KPNA7: variants seen among roughly 807,000 people sequenced by gnomAD.
KPNA7 encodes the protein importin subunit alpha-8.
A neutral mutation model predicts 53.7 loss-of-function variants in KPNA7; 54 were observed. That is an observed-to-expected ratio of 1.01 (90% confidence interval 0.81 to 1.26). KPNA7 has a LOEUF of 1.26. Among genes scored for constraint, KPNA7 ranks in the 50% most tolerant of loss-of-function variants. KPNA7 has a pLI of 0.00. For missense variants in KPNA7, 640 were observed against 644.5 expected (o/e 0.99, Z 0.07); for synonymous variants, 276 against 259.3 (o/e 1.06, Z -0.62).
the KPNA7 span, among the ~76,000 whole-genome samples, chr7:99,163,833 A>G: frequency 1.3e-5 from 2 of 151,898 alleles, no homozygotes; most frequent in Non-Finnish European, 2.9e-5. Flanking sequence ...ATCATTTTCT[A>G]CTCCTCATGG....
the KPNA7 span, among the ~76,000 whole-genome samples, chr7:99,150,436 C>T: frequency 4.2e-4 from 2 of 4,708 alleles, no homozygotes; most frequent in Admixed American, 2.4e-3. Flanking sequence ...TTTTTTGAGA[C>T]GGAGTTTCAC....
At chr7:99,190,250 T>G (rs2150739034) in intron 6 of KPNA7, among the ~76,000 whole-genome samples, 1 of 149,262 alleles carries the variant, frequency 6.7e-6, no homozygotes, top group East Asian at 2.0e-4. Flanking sequence ...AGCAGAAGAA[T>G]CGCTTGAACC....
the KPNA7 span, among the ~76,000 whole-genome samples, chr7:99,146,778 C>T: frequency 6.8e-6 from 1 of 146,504 alleles, no homozygotes; most frequent in Non-Finnish European, 1.5e-5. Flanking sequence ...TACACCTAAG[C>T]TACCAGCCAT....
chr7:99,147,346 T>A, the KPNA7 span, among the ~76,000 whole-genome samples: 1 of 152,192 alleles, frequency 6.6e-6, no homozygotes, highest in South Asian at 2.1e-4. Context: ...CGTTCAAGTT[T>A]GCTGGGCAAA....
intron 1 of KPNA7, among the ~76,000 whole-genome samples, chr7:99,213,717 CCT>C (rs1584325992): frequency 6.6e-6 from 1 of 151,920 alleles, no homozygotes; most frequent in East Asian, 1.9e-4. Context: ...CTCAAGCAAT[CCT>C]CTCACCTCAG....
At chr7:99,186,744 A>AAACAAC (rs375324904) in intron 7 of KPNA7, among the ~76,000 whole-genome samples, 1 of 151,854 alleles carries the variant, frequency 6.6e-6, no homozygotes, top group Non-Finnish European at 1.5e-5. Context: ...CTTTGTCAAA[A>AAACAAC]AACAACAACA....
chr7:99,167,981 T>C, the KPNA7 span, among the ~76,000 whole-genome samples: 5 of 137,660 alleles, frequency 3.6e-5, no homozygotes, highest in East Asian at 2.2e-4. Flanking sequence ...CCCAAACCAT[T>C]CCCCCACCCC....
rs1312047735 is a variant in KPNA7, at chr7:99,190,342, AAAAAAAAGCAG to A, written c.637-1790_637-1780del. Among the ~76,000 whole-genome samples the A allele has an allele frequency of 7.7e-4, 116 of 151,620 alleles. 1 individual carries two copies. Among genetic ancestry groups the A allele is most frequent in the African/African-American group, 2.5e-3 (105 of 41,334 alleles). ...CAGAGCAAGACTCTGTCTCAAAAAA[AAAAAAAAGCAG>A]AAAAAAAAGCAGAAAAAAAAGAAAG... On this transcript the variant is annotated intron_variant, in intron 6 of 10. Coordinates refer to ENST00000327442, the MANE Select transcript of KPNA7 (RefSeq NM_001145715.3).
the KPNA7 span, among the ~76,000 whole-genome samples, chr7:99,163,291 T>C: frequency 6.8e-6 from 1 of 147,284 alleles, no homozygotes; most frequent in Admixed American, 6.9e-5. Context: ...ATTACAAATA[T>C]ATTAAATTTG....
the KPNA7 span, among the ~76,000 whole-genome samples, chr7:99,158,416 ATCTTT>A: frequency 6.6e-6 from 1 of 151,476 alleles, no homozygotes; most frequent in Non-Finnish European, 1.5e-5. Context: ...ATATAATTTG[ATCTTT>A]TCTATTTTTG....
At chr7:99,209,232 A>G (rs546828740), upstream of KPNA7, among the ~76,000 whole-genome samples, 1 of 152,000 alleles carries the variant, frequency 6.6e-6, no homozygotes, top group South Asian at 2.1e-4. Context: ...TGGTGAGGAG[A>G]CCCGCCAAGG....
chr7:99,178,082 A>T lies in KPNA7; in HGVS notation c.1318-16T>A, dbSNP rs1313009551. 6.5e-7 allele frequency: 1 copy of T among 1,549,840 alleles called. No individual in the cohort carries two copies. The highest frequency in any genetic ancestry group is 1.2e-5 in the South Asian group (1 of 83,728). On this transcript the variant is annotated splice_polypyrimidine_tract_variant and intron_variant, in intron 9 of 10. Coordinates refer to ENST00000327442, the MANE Select transcript of KPNA7 (RefSeq NM_001145715.3). ...TCTCTGCCGCCTGTGACCAAGTACA[A>T]GGGGACATGAGACCCCCGGCAGGAG...
At chr7:99,210,408 C>CTTTG (rs1554472494), upstream of KPNA7, among the ~76,000 whole-genome samples, 1 of 152,156 alleles carries the variant, frequency 6.6e-6, no homozygotes, top group Non-Finnish European at 1.5e-5. Context: ...GGTAACAGTA[C>CTTTG]TGTGTCTTAG....
the KPNA7 span, among the ~76,000 whole-genome samples, chr7:99,157,577 C>G: frequency 6.6e-6 from 1 of 152,200 alleles, no homozygotes. Flanking sequence ...TTCAGGACAA[C>G]TCATTTAGAT....
upstream of KPNA7, among the ~76,000 whole-genome samples, chr7:99,209,171 G>A (rs1407998417): frequency 6.6e-6 from 1 of 151,740 alleles, no homozygotes; most frequent in Non-Finnish European, 1.5e-5. Flanking sequence ...AAGAAAAGAA[G>A]GCTTTCACAC....
chr7:99,184,422 C>G (rs1789467057), intron 8 of KPNA7, among the ~76,000 whole-genome samples: 1 of 152,132 alleles, frequency 6.6e-6, no homozygotes, highest in South Asian at 2.1e-4. Context: ...CTGGGCCTCC[C>G]AAAACGTCGG....
At chr7:99,214,222 G>C (rs577480671) in intron 1 of KPNA7, among the ~76,000 whole-genome samples, 1 of 151,208 alleles carries the variant, frequency 6.6e-6, no homozygotes, top group Admixed American at 6.6e-5. Context: ...CTGAGGTCAG[G>C]AGTTTGAGAT....
intron 10 of KPNA7, 141 bp from the exon 11 acceptor site, chr7:99,173,935 C>T (rs1703546404): frequency 5.1e-6 from 3 of 589,736 alleles, no homozygotes; most frequent in Middle Eastern, 2.6e-4. Flanking sequence ...TAAGTACATT[C>T]GCATTGTTGC....
chr7:99,182,751 G>A (rs1448260814), intron 8 of KPNA7, among the ~76,000 whole-genome samples: 4 of 152,104 alleles, frequency 2.6e-5, no homozygotes, highest in African/African-American at 9.7e-5. Context: ...CCCACATCAG[G>A]CCACAGGGAA....
Sources: allele counts gnomAD v4.1 joint callset (sites outside exome capture counted in the v4.1 genomes callset), GRCh38; gene constraint gnomAD v4.1.1; transcripts MANE v1.5; gene names NCBI Gene and HGNC (gene_info 2026-07-23, HGNC 2026-07-21).